The following PDE7B variants were observed in gnomAD, a reference collection of about 807,000 sequenced individuals.
PDE7B encodes phosphodiesterase 7B, also known as 3',5'-cyclic-AMP phosphodiesterase 7B.
In PDE7B, 29 loss-of-function variants were observed where a neutral mutation model predicts 56.2. The ratio of observed to expected loss-of-function variants is 0.52; its 90% confidence interval spans 0.38 to 0.70. PDE7B has a LOEUF of 0.70. Ranked by LOEUF, PDE7B falls within the 30% of genes least tolerant of loss-of-function variation. PDE7B has a pLI of 0.00. For missense variants in PDE7B, 490 were observed against 565.0 expected, an observed-to-expected ratio of 0.87 and a Z score of 1.35; for synonymous variants, 197 against 196.9, an observed-to-expected ratio of 1.00 and a Z score of 0.00.
At chr6:136,093,640 C>G (rs1442244363) in intron 2 of PDE7B, among the ~76,000 whole-genome samples, 1 of 152,132 alleles carries the variant, frequency 6.6e-6, no homozygotes, top group Admixed American at 6.5e-5. Context: ...AACACATAGG[C>G]CCTAGGAGAG....
At chr6:135,872,015 C>T (rs567046962) in intron 1 of PDE7B, among the ~76,000 whole-genome samples, 14 of 152,208 alleles carry the variant, frequency 9.2e-5, no homozygotes, top group Admixed American at 5.2e-4. Context: ...TCAAGCAATG[C>T]GGGAGAAATT....
intron 2 of PDE7B, among the ~76,000 whole-genome samples, chr6:136,107,902 G>A (rs1161130255): frequency 5.9e-5 from 9 of 152,122 alleles, no homozygotes; most frequent in Non-Finnish European, 1.3e-4. Flanking sequence ...GCCGAGGTGG[G>A]TGGATCACAA....
chr6:135,869,022 G>A (rs1341920257), intron 1 of PDE7B, among the ~76,000 whole-genome samples: 2 of 151,872 alleles, frequency 1.3e-5, no homozygotes, highest in Non-Finnish European at 2.9e-5. Context: ...TCATCTTTTG[G>A]CCAAAAAAGT....
chr6:135,921,281 A>G (rs960501757), intron 1 of PDE7B, among the ~76,000 whole-genome samples: 3 of 152,162 alleles, frequency 2.0e-5, no homozygotes, highest in Non-Finnish European at 4.4e-5. Context: ...TCCTTTTCTT[A>G]GATGGACAGA....
chr6:136,005,591 A>G (rs140977739), intron 2 of PDE7B, among the ~76,000 whole-genome samples: 2,393 of 152,276 alleles, frequency 0.016, 63 homozygotes, highest in African/African-American at 0.055. Flanking sequence ...GCAGCCAAAA[A>G]ACACATGAAA....
chr6:136,000,433 A>C (rs978272616), intron 2 of PDE7B, among the ~76,000 whole-genome samples: 1 of 152,156 alleles, frequency 6.6e-6, no homozygotes, highest in East Asian at 1.9e-4. Flanking sequence ...TGTATATAGC[A>C]TAAGAAAGTA....
intron 2 of PDE7B, among the ~76,000 whole-genome samples, chr6:136,085,970 A>C (rs183457524): frequency 1.7e-4 from 26 of 152,304 alleles, no homozygotes; most frequent in Non-Finnish European, 1.5e-5. Context: ...CATCCTTAGA[A>C]TGTTTGCCCA....
At chr6:136,016,986 A>C (rs1391008718) in intron 2 of PDE7B, among the ~76,000 whole-genome samples, 1 of 152,230 alleles carries the variant, frequency 6.6e-6, no homozygotes, top group Non-Finnish European at 1.5e-5. Flanking sequence ...TGCTACAGTC[A>C]ATTGCCTTGA....
At chr6:135,990,086 T>C (rs543836849) in intron 2 of PDE7B, among the ~76,000 whole-genome samples, 1 of 148,454 alleles carries the variant, frequency 6.7e-6, no homozygotes, top group South Asian at 2.1e-4. Context: ...TTTTGATTTT[T>C]GGGGTTTTTT....
intron 1 of PDE7B, among the ~76,000 whole-genome samples, chr6:135,881,931 A>G (rs1775618771): frequency 6.6e-6 from 1 of 152,240 alleles, no homozygotes; most frequent in Non-Finnish European, 1.5e-5. Context: ...ATACCTGTCT[A>G]CCTCAACCTC....
chr6:135,984,346 C>T (rs1027276149), intron 2 of PDE7B, among the ~76,000 whole-genome samples: 2 of 152,140 alleles, frequency 1.3e-5, no homozygotes, highest in Non-Finnish European at 2.9e-5. Context: ...CAGGCAATAG[C>T]ATGCATCCAG....
chr6:135,925,293 A>T (rs1249653710), intron 1 of PDE7B, among the ~76,000 whole-genome samples: 1 of 152,200 alleles, frequency 6.6e-6, no homozygotes, highest in Non-Finnish European at 1.5e-5. Context: ...TTATAACATT[A>T]TAAGATGTTC....
rs534463642 is a variant in PDE7B, at chr6:136,054,994, G to A, written c.83-53737G>A. ...CACCAGGTCCCTCCCAAAACACATAGGGACTATTACAATTCAAGGTGAGAG... is the reference window on the plus strand; with the variant it reads ...CACCAGGTCCCTCCCAAAACACATAAGGACTATTACAATTCAAGGTGAGAG... On this transcript the variant is annotated intron_variant, in intron 2 of 12. Transcript: ENST00000308191. 1.1e-4 allele frequency among the ~76,000 whole-genome samples: 17 copies of A among 152,262 alleles called. No homozygotes were observed. In the South Asian group the frequency reaches 3.5e-3, roughly 32 times the overall value.
intron 2 of PDE7B, among the ~76,000 whole-genome samples, chr6:135,957,675 G>A (rs1323520738): frequency 6.6e-6 from 1 of 152,114 alleles, no homozygotes; most frequent in East Asian, 1.9e-4. Context: ...AGCACCCTGT[G>A]TTGGCCTAGA....
intron 1 of PDE7B, among the ~76,000 whole-genome samples, chr6:135,875,894 T>C (rs1271198657): frequency 6.6e-6 from 1 of 152,158 alleles, no homozygotes; most frequent in African/African-American, 2.4e-5. Context: ...TGTGACTTTG[T>C]GGTCATCTGT....
At chr6:136,104,884 T>C (rs1777623095) in intron 2 of PDE7B, among the ~76,000 whole-genome samples, 1 of 152,234 alleles carries the variant, frequency 6.6e-6, no homozygotes, top group South Asian at 2.1e-4. Flanking sequence ...AGTGTAGTTA[T>C]GGACAGTGTC....
intron 1 of PDE7B, among the ~76,000 whole-genome samples, chr6:135,883,566 C>A (rs1427923732): frequency 1.3e-5 from 2 of 152,156 alleles, no homozygotes; most frequent in Admixed American, 6.5e-5. Context: ...GTCAACAAGA[C>A]AATTACAGTA....
chr6:136,149,296 G>A (rs755260830), intron 5 of PDE7B, 146 bp downstream of exon 5: 15 of 628,488 alleles, frequency 2.4e-5, no homozygotes, highest in Admixed American at 5.5e-5. Context: ...AAGAAGGACC[G>A]GGGTAAGGGA....
intron 2 of PDE7B, among the ~76,000 whole-genome samples, chr6:135,967,747 A>G (rs539454079): frequency 1.3e-5 from 2 of 152,186 alleles, no homozygotes; most frequent in Non-Finnish European, 2.9e-5. Context: ...TCCAAAATAC[A>G]TGCTGAAACT....
Sources: allele counts gnomAD v4.1 joint callset (sites outside exome capture counted in the v4.1 genomes callset), GRCh38; gene constraint gnomAD v4.1.1; transcripts MANE v1.5; gene names NCBI Gene and HGNC (gene_info 2026-07-23, HGNC 2026-07-21).